GRIK4: variants seen among roughly 807,000 people sequenced by gnomAD.
GRIK4 encodes glutamate ionotropic receptor kainate type subunit 4.
GRIK4 carries 40 observed loss-of-function variants against 104.9 expected under a neutral mutation model. That is an observed-to-expected ratio of 0.38 (90% confidence interval 0.30 to 0.50). GRIK4 has a LOEUF of 0.50. Ranked by LOEUF, GRIK4 falls within the 20% of genes least tolerant of loss-of-function variation. The pLI is 0.93. For synonymous variants in GRIK4, 485 were observed against 524.9 expected (o/e 0.92, Z 1.04); for missense variants, 1,047 against 1,308.1 (o/e 0.80, Z 3.08).
In GRIK4 at chr11:120,701,595, A is replaced by G. The variant is rs77620467; in HGVS notation, c.82+41195A>G. Among the ~76,000 whole-genome samples the G allele has an allele frequency of 9.8e-5, 15 of 152,362 alleles. No homozygotes were observed. In the East Asian group the frequency reaches 2.7e-3, roughly 27 times the overall value. Reference sequence around the variant, plus strand: ...CTGGAGTGAACATAGGAGTGTGGATATATTTACAAGGTGATTCCATCTCCT... The same window carrying G: ...CTGGAGTGAACATAGGAGTGTGGATGTATTTACAAGGTGATTCCATCTCCT... On this transcript the variant is annotated intron_variant, in intron 3 of 20. Transcript: ENST00000527524.
chr11:120,547,387 G>T (rs1948095581), intron 1 of GRIK4, among the ~76,000 whole-genome samples: 1 of 152,366 alleles, frequency 6.6e-6, no homozygotes, highest in Admixed American at 6.5e-5. Context: ...TGCACGAGCG[G>T]AGTACAGAGG....
chr11:120,517,919 G>A (rs558609469), intron 1 of GRIK4, among the ~76,000 whole-genome samples: 45 of 152,300 alleles, frequency 3.0e-4, no homozygotes, highest in Admixed American at 6.5e-4. Flanking sequence ...CCCAGAGGAG[G>A]TTAAGTTGTG....
intron 3 of GRIK4, among the ~76,000 whole-genome samples, chr11:120,772,947 G>A (rs547174442): frequency 6.6e-6 from 1 of 152,100 alleles, no homozygotes; most frequent in East Asian, 1.9e-4. Flanking sequence ...TAGGCAATGA[G>A]GATATAAAGT....
intron 9 of GRIK4, chr11:120,871,743 A>G (rs1341607436): frequency 4.4e-6 from 2 of 456,246 alleles, no homozygotes; most frequent in African/African-American, 4.0e-5. Context: ...TAGTGGCTGA[A>G]TAAAAGTGGG....
At chr11:120,637,744 G>A (rs1949416840) in intron 1 of GRIK4, among the ~76,000 whole-genome samples, 1 of 152,034 alleles carries the variant, frequency 6.6e-6, no homozygotes. Context: ...GGTGTGCCAG[G>A]GTGCTTAAAG....
At position 120,967,215 on chromosome 11, in the gene GRIK4, T is replaced by C. The variant is rs773028107; in HGVS notation, c.2287T>C (p.Phe763Leu). Residue 763 changes from phenylalanine (F) to leucine (L), a missense_variant, in exon 19 of 21, where the codon TTT becomes CTT. Transcript: ENST00000527524. This position sits in a 1 kb window ranked among gnomAD's most constrained non-coding sequence, Gnocchi z 4.2. ...MPVGSVFRDE[F>L]DLAILQLQEN... ...CGCAGGCTCGGTTTTCCGGGACGAG[T>C]TTGATCTGGCCATTCTCCAGCTGCA... 2 of 1,613,322 alleles carry C rather than the reference T, an allele frequency of 1.2e-6. No individual in the cohort carries two copies. The highest frequency in any genetic ancestry group is 2.2e-5 in the South Asian group (2 of 90,972).
intron 3 of GRIK4, among the ~76,000 whole-genome samples, chr11:120,673,959 ACT>A (rs1009276250): frequency 2.0e-5 from 3 of 151,698 alleles, no homozygotes; most frequent in Non-Finnish European, 2.9e-5. Context: ...ATTGAGCCTG[ACT>A]CTATCTCTCT....
At chr11:120,667,886 C>T (rs1223708853) in intron 3 of GRIK4, among the ~76,000 whole-genome samples, 2 of 152,204 alleles carry the variant, frequency 1.3e-5, no homozygotes, top group African/African-American at 4.8e-5. Context: ...AATGCTCAAC[C>T]CTGACTGGAG....
chr11:120,747,579 A>G (rs943764971), intron 3 of GRIK4, among the ~76,000 whole-genome samples: 5 of 152,208 alleles, frequency 3.3e-5, no homozygotes, highest in Non-Finnish European at 7.3e-5. Context: ...GACTTTAGAA[A>G]TTACTTTGGA....
chr11:120,751,893 C>T (rs1192784138), intron 3 of GRIK4, among the ~76,000 whole-genome samples: 1 of 152,170 alleles, frequency 6.6e-6, no homozygotes, highest in Non-Finnish European at 1.5e-5. Context: ...GCCAAGGCTG[C>T]TGTGGTATGT....
At chr11:120,609,383 G>C (rs1282832527) in intron 1 of GRIK4, among the ~76,000 whole-genome samples, 2 of 151,754 alleles carry the variant, frequency 1.3e-5, no homozygotes, top group Non-Finnish European at 2.9e-5. Context: ...CTCCCAAGTA[G>C]CTGGGACCAT....
At chr11:120,633,959 A>G (rs1293655791) in intron 1 of GRIK4, among the ~76,000 whole-genome samples, 1 of 152,096 alleles carries the variant, frequency 6.6e-6, no homozygotes, top group Non-Finnish European at 1.5e-5. Context: ...GCTCTTGGGG[A>G]GAGAGAGCAC....
rs1408007597 is a variant in GRIK4, at chr11:120,737,790, T to TG, written c.83-64897dup. Among the ~76,000 whole-genome samples, 3 of 152,086 alleles carry TG rather than the reference T, an allele frequency of 2.0e-5. No individual in the cohort carries two copies. In the East Asian group the frequency reaches 5.8e-4, roughly 29 times the overall value. ...AGAGGCTACGGTTGGGATGAGGACATGGGGGGCTTTCTGGGTGGTTGGCAA... is the reference window on the plus strand; with the variant it reads ...AGAGGCTACGGTTGGGATGAGGACATGGGGGGGCTTTCTGGGTGGTTGGCAA... On this transcript the variant is annotated intron_variant, in intron 3 of 20. Coordinates refer to ENST00000527524, the MANE Select transcript of GRIK4 (RefSeq NM_014619.5).
chr11:120,733,667 A>G (rs755546378), intron 3 of GRIK4, among the ~76,000 whole-genome samples: 2 of 150,568 alleles, frequency 1.3e-5, no homozygotes, highest in South Asian at 4.2e-4. Flanking sequence ...TCTTTATGTC[A>G]TATTGTACTA....
At chr11:120,558,411 C>A (rs1948207788) in intron 1 of GRIK4, among the ~76,000 whole-genome samples, 1 of 152,078 alleles carries the variant, frequency 6.6e-6, no homozygotes, top group Non-Finnish European at 1.5e-5. Context: ...CATGGTGAAA[C>A]CCTGTCTCTA....
chr11:120,949,212 A>G (rs1047134360), intron 14 of GRIK4, among the ~76,000 whole-genome samples: 14 of 152,198 alleles, frequency 9.2e-5, no homozygotes, highest in African/African-American at 3.4e-4. Context: ...TCATAGCTCC[A>G]TGGACAGCCC....
At chr11:120,618,203 AGTGTCCCT>A (rs1413119814) in intron 1 of GRIK4, among the ~76,000 whole-genome samples, 2 of 152,194 alleles carry the variant, frequency 1.3e-5, no homozygotes, top group Non-Finnish European at 2.9e-5. Context: ...CTGGCTTCCT[AGTGTCCCT>A]GTTCTAGGGA....
intron 1 of GRIK4, among the ~76,000 whole-genome samples, chr11:120,578,806 C>T (rs996305466): frequency 3.3e-5 from 5 of 152,200 alleles, no homozygotes; most frequent in East Asian, 1.9e-4. Context: ...CCTGCTATGT[C>T]GTCCCGCTTC....
At chr11:120,567,305 G>A (rs749121231) in intron 1 of GRIK4, among the ~76,000 whole-genome samples, 1 of 152,036 alleles carries the variant, frequency 6.6e-6, no homozygotes, top group Non-Finnish European at 1.5e-5. Flanking sequence ...GAATGCAGGG[G>A]TGTGCCACTA....
Sources: allele counts gnomAD v4.1 joint callset (sites outside exome capture counted in the v4.1 genomes callset), GRCh38; gene constraint gnomAD v4.1.1; non-coding constraint Gnocchi (gnomAD v3.1); transcripts MANE v1.5; gene names NCBI Gene and HGNC (gene_info 2026-07-23, HGNC 2026-07-21).